Variants in SLIT3 observed in about 807,000 individuals in gnomAD.
SLIT3 encodes the protein slit homolog 3 protein.
A neutral mutation model predicts 184.0 loss-of-function variants in SLIT3; 68 were observed. The observed-to-expected ratio is 0.37, with a 90% CI of 0.30 to 0.45. The LOEUF (loss-of-function observed/expected upper bound fraction) is 0.45. SLIT3 is among the 20% of genes least tolerant of loss of function. SLIT3 has a pLI of 1.00. For synonymous variants in SLIT3, 831 were observed against 828.6 expected, an observed-to-expected ratio of 1.00 and a Z score of -0.05; for missense variants, 1,707 against 2,026.0, an observed-to-expected ratio of 0.84 and a Z score of 3.02.
At chr5:168,921,420 T>C (rs926280920) in intron 4 of SLIT3, among the ~76,000 whole-genome samples, 32 of 152,316 alleles carry the variant, frequency 2.1e-4, no homozygotes, top group African/African-American at 7.5e-4. Context: ...CATTTCTCTG[T>C]TGGCAACATT....
intron 20 of SLIT3, among the ~76,000 whole-genome samples, chr5:168,732,484 T>C (rs1763315829): frequency 6.6e-6 from 1 of 152,108 alleles, no homozygotes; most frequent in Non-Finnish European, 1.5e-5. Flanking sequence ...AAAATTCATA[T>C]TCATAATTCA....
At chr5:169,141,481 T>G (rs1489621858) in intron 4 of SLIT3, among the ~76,000 whole-genome samples, 1 of 151,972 alleles carries the variant, frequency 6.6e-6, no homozygotes, top group African/African-American at 2.4e-5. Flanking sequence ...GGCTCATGCC[T>G]GTAATCCCAG....
intron 4 of SLIT3, among the ~76,000 whole-genome samples, chr5:169,114,440 T>TCAA (rs1377581085): frequency 1.1e-4 from 16 of 152,292 alleles, no homozygotes; most frequent in African/African-American, 3.6e-4. Flanking sequence ...TCTGTACGCC[T>TCAA]CAACACTATT....
chr5:168,794,612 G>A (rs1253239563), intron 10 of SLIT3, among the ~76,000 whole-genome samples: 2 of 152,190 alleles, frequency 1.3e-5, no homozygotes, highest in African/African-American at 4.8e-5. Context: ...GAGCTAATGG[G>A]GATGTAGGGG....
intron 4 of SLIT3, among the ~76,000 whole-genome samples, chr5:168,911,048 C>T (rs1346822329): frequency 2.6e-5 from 4 of 152,116 alleles, no homozygotes; most frequent in Non-Finnish European, 4.4e-5. Flanking sequence ...AGAAAAGCTA[C>T]GTTTAAAATC....
intron 34 of SLIT3, 33 bp from the exon 35 acceptor site, chr5:168,670,024 G>A: frequency 2.5e-6 from 4 of 1,596,118 alleles, no homozygotes; most frequent in Non-Finnish European, 3.4e-6. Flanking sequence ...GAAGGGAACT[G>A]GATCAGAGTT....
chr5:168,709,103 T>C (rs569810701), intron 25 of SLIT3, among the ~76,000 whole-genome samples: 1,188 of 107,836 alleles, frequency 0.011, 24 homozygotes, highest in African/African-American at 0.031. Context: ...TTCTGTTTGT[T>C]TTTTTTTTTT....
chr5:169,172,917 T>C (rs913105381), intron 4 of SLIT3, among the ~76,000 whole-genome samples: 9 of 152,164 alleles, frequency 5.9e-5, no homozygotes, highest in African/African-American at 2.2e-4. Flanking sequence ...GAAGAAGTCT[T>C]TCTAATAAAT....
intron 4 of SLIT3, among the ~76,000 whole-genome samples, chr5:168,987,075 C>T (rs10036666): frequency 0.038 from 5,733 of 152,196 alleles, 277 homozygotes; most frequent in East Asian, 0.12. Flanking sequence ...TAATATTTAT[C>T]AAACACGGAC....
Position 168,844,896 on chromosome 5 carries a change from A to ATTT in SLIT3, c.486-244_486-242dup, listed in dbSNP as rs34420406. On this transcript the variant is annotated intron_variant, in intron 5 of 35. Coordinates refer to ENST00000519560, the MANE Select transcript of SLIT3 (RefSeq NM_003062.4). ...AGGTCTCAGTAAATATTAATTGCGC[A>ATTT]TTTTTTTTTTTTTTTTTTTTTTAGG... is the stretch of plus-strand genomic sequence containing the variant. 362 of 230,722 alleles carry ATTT rather than the reference A, an allele frequency of 1.6e-3. 1 individual carries two copies. The highest frequency in any genetic ancestry group is 3.3e-3 in the South Asian group (47 of 14,186). The allele number at this position is 230,722 out of a possible 1,614,324, so 14.3% of individuals were successfully genotyped here.
chr5:168,911,196 T>C (rs1761240786), intron 4 of SLIT3, among the ~76,000 whole-genome samples: 1 of 152,172 alleles, frequency 6.6e-6, no homozygotes, highest in African/African-American at 2.4e-5. Context: ...TTAAAAACAC[T>C]TGTGAAGGAA....
At chr5:168,894,570 G>C (rs1276305580) in intron 4 of SLIT3, among the ~76,000 whole-genome samples, 2 of 152,134 alleles carry the variant, frequency 1.3e-5, no homozygotes, top group African/African-American at 4.8e-5. Context: ...CCTAGAACAG[G>C]CTTGTGAACT....
At chr5:168,813,225 A>T (rs1757221783) in intron 8 of SLIT3, among the ~76,000 whole-genome samples, 1 of 151,956 alleles carries the variant, frequency 6.6e-6, no homozygotes, top group African/African-American at 2.4e-5. Context: ...ACTGGTAGAA[A>T]CCCTTCCAGA....
chr5:169,133,291 A>G (rs1387379661), intron 4 of SLIT3, among the ~76,000 whole-genome samples: 1 of 151,980 alleles, frequency 6.6e-6, no homozygotes. Flanking sequence ...TTGTCAATGC[A>G]CTCTGTGAAG....
intron 4 of SLIT3, among the ~76,000 whole-genome samples, chr5:168,978,265 C>A (rs1311718589): frequency 2.6e-5 from 4 of 152,226 alleles, no homozygotes; most frequent in African/African-American, 7.2e-5. Flanking sequence ...TACCTAAGGT[C>A]TCATTTCTAG....
intron 4 of SLIT3, among the ~76,000 whole-genome samples, chr5:169,166,982 A>G (rs1365027825): frequency 6.6e-6 from 1 of 152,082 alleles, no homozygotes; most frequent in East Asian, 1.9e-4. Context: ...GCCTGAGCAA[A>G]CTAACGAGAC....
intron 4 of SLIT3, among the ~76,000 whole-genome samples, chr5:168,927,265 T>A (rs560521813): frequency 1.4e-4 from 21 of 152,246 alleles, no homozygotes; most frequent in Middle Eastern, 3.4e-3. Flanking sequence ...AATCAGCCAG[T>A]CATAAAAAGA....
At chr5:168,838,977 T>C (rs909363194) in intron 6 of SLIT3, among the ~76,000 whole-genome samples, 1 of 152,174 alleles carries the variant, frequency 6.6e-6, no homozygotes, top group Admixed American at 6.5e-5. Context: ...GGGGCGGCTC[T>C]TGTGATGAAG....
chr5:168,754,866 A>C lies in SLIT3; in HGVS notation c.1686-859T>G, dbSNP rs916932174. Among the ~76,000 whole-genome samples, 3 of 152,232 alleles carry C rather than the reference A, an allele frequency of 2.0e-5. No homozygotes were observed. In the South Asian group the frequency reaches 6.2e-4, roughly 32 times the overall value. On this transcript the variant is annotated intron_variant, in intron 16 of 35. Coordinates refer to ENST00000519560, the MANE Select transcript of SLIT3 (RefSeq NM_003062.4). ...AGTTAAAATAGTGACTCTCAAACTT[A>C]TTTTCTGTCTTCATTAGAGATTCTC... is the stretch of plus-strand genomic sequence containing the variant.
Sources: allele counts gnomAD v4.1 joint callset (sites outside exome capture counted in the v4.1 genomes callset), GRCh38; gene constraint gnomAD v4.1.1; transcripts MANE v1.5; gene names NCBI Gene and HGNC (gene_info 2026-07-23, HGNC 2026-07-21).